CDH13: variants seen among roughly 807,000 people sequenced by gnomAD.
The protein encoded by CDH13 is cadherin-13.
Under a neutral mutation model 63.8 loss-of-function variants are expected in CDH13, and 24 were observed. That is an observed-to-expected ratio of 0.38 (90% CI 0.27 to 0.53). The LOEUF (loss-of-function observed/expected upper bound fraction) is 0.53, where lower values mean the gene tolerates loss of function less well. Ranked by LOEUF, CDH13 falls within the 20% of genes least tolerant of loss-of-function variation. CDH13 has a pLI of 0.85. For missense variants in CDH13, 1,049 were observed against 903.1 expected, an observed-to-expected ratio of 1.16 and a Z score of -2.07; for synonymous variants, 503 against 355.3, an observed-to-expected ratio of 1.42 and a Z score of -4.67.
chr16:82,685,528 G>C (rs186409656), intron 1 of CDH13, among the ~76,000 whole-genome samples: 4 of 152,344 alleles, frequency 2.6e-5, no homozygotes, highest in Admixed American at 6.5e-5. Flanking sequence ...ATGAGATCAG[G>C]TGTAGGTGAT....
chr16:83,460,982 AACACACACACACGCACAC>A (rs2073162881), intron 6 of CDH13, among the ~76,000 whole-genome samples: 1 of 134,254 alleles, frequency 7.4e-6, no homozygotes, highest in Non-Finnish European at 1.6e-5. Flanking sequence ...CTTGTCTCAA[AACACACACACACGCACAC>A]ACACACACAC....
chr16:82,680,106 C>G (rs898082584), intron 1 of CDH13, among the ~76,000 whole-genome samples: 1 of 152,118 alleles, frequency 6.6e-6, no homozygotes, highest in Non-Finnish European at 1.5e-5. Context: ...TGCCAGTCTT[C>G]CAGCGTAGGT....
chr16:83,057,616 G>A (rs2151516122), intron 3 of CDH13, among the ~76,000 whole-genome samples: 1 of 150,688 alleles, frequency 6.6e-6, no homozygotes, highest in Admixed American at 6.6e-5. Flanking sequence ...TCACCACTGA[G>A]GCTGTAAGGC....
chr16:83,130,931 C>G (rs8063107), intron 4 of CDH13, among the ~76,000 whole-genome samples: 4 of 151,918 alleles, frequency 2.6e-5, no homozygotes, highest in Non-Finnish European at 5.9e-5. Context: ...TTTTTCACAA[C>G]TGGATATCCT....
intron 6 of CDH13, among the ~76,000 whole-genome samples, chr16:83,355,334 T>C (rs951551039): frequency 6.6e-6 from 1 of 152,232 alleles, no homozygotes; most frequent in African/African-American, 2.4e-5. Flanking sequence ...ACAATAATAC[T>C]GTAAGCCTTA....
rs568538682 is a variant in CDH13, at chr16:83,060,755, G to T, written c.366+28537G>T. Among the ~76,000 whole-genome samples the T allele has an allele frequency of 8.6e-4, 131 of 152,258 alleles. 1 individual carries two copies. Among genetic ancestry groups the T allele is most frequent in the African/African-American group, 2.8e-3 (116 of 41,546 alleles). ...ACAGGTTTACATTTTTTAAAAGCAG[G>T]TAATAACTGTCTTATTCTGTACCTA... On this transcript the variant is annotated intron_variant, in intron 3 of 13. Transcript: ENST00000567109.
chr16:83,142,537 C>T (rs2151678472), intron 4 of CDH13, among the ~76,000 whole-genome samples: 1 of 152,274 alleles, frequency 6.6e-6, no homozygotes, highest in Admixed American at 6.5e-5. Flanking sequence ...GGGAAGCTTT[C>T]CTCAATTCCC....
chr16:82,752,721 C>A (rs1243101727), intron 1 of CDH13, among the ~76,000 whole-genome samples: 1 of 152,178 alleles, frequency 6.6e-6, no homozygotes, highest in African/African-American at 2.4e-5. Flanking sequence ...ACCACTGGGT[C>A]CCAGACAGAT....
chr16:82,921,472 T>C (rs1045264472), intron 2 of CDH13, among the ~76,000 whole-genome samples: 2 of 152,288 alleles, frequency 1.3e-5, no homozygotes, highest in Admixed American at 1.3e-4. Context: ...GTGCTGGCAT[T>C]TAGGGACCAC....
At chr16:83,735,797 G>T (rs900559804) in intron 10 of CDH13, 16 of 152,202 alleles carry the variant, frequency 1.1e-4, no homozygotes, top group African/African-American at 3.6e-4. Context: ...GAGTAAGCAG[G>T]ATATTTGGCT....
chr16:83,187,026 A>T (rs1387251570), intron 4 of CDH13, among the ~76,000 whole-genome samples: 1 of 152,060 alleles, frequency 6.6e-6, no homozygotes, highest in African/African-American at 2.4e-5. Context: ...GCTGGAGTGC[A>T]GTGGTGTGAT....
chr16:83,771,408 G>A (rs572765241), intron 11 of CDH13, among the ~76,000 whole-genome samples: 11 of 152,302 alleles, frequency 7.2e-5, no homozygotes, highest in African/African-American at 1.9e-4. Flanking sequence ...TGGTCCTATC[G>A]TGGTCATATA....
chr16:83,451,020 G>C (rs2072873370), intron 6 of CDH13, among the ~76,000 whole-genome samples: 1 of 152,216 alleles, frequency 6.6e-6, no homozygotes, highest in African/African-American at 2.4e-5. Context: ...TCTGGGTAGA[G>C]TCTGAGAATC....
intron 5 of CDH13, among the ~76,000 whole-genome samples, chr16:83,275,068 A>C (rs572614441): frequency 5.3e-5 from 8 of 152,224 alleles, no homozygotes; most frequent in Admixed American, 3.9e-4. Flanking sequence ...ATTATACATG[A>C]GGGCAGGGAT....
At chr16:83,384,565 A>G (rs901018593) in intron 6 of CDH13, among the ~76,000 whole-genome samples, 1 of 152,262 alleles carries the variant, frequency 6.6e-6, no homozygotes, top group African/African-American at 2.4e-5. Flanking sequence ...CTGTGGGAAC[A>G]CGAGCAGAAG....
chr16:83,790,728 T>A (rs1341056484), intron 13 of CDH13, among the ~76,000 whole-genome samples: 1 of 152,162 alleles, frequency 6.6e-6, no homozygotes, highest in East Asian at 1.9e-4. Context: ...AAAGTGCATG[T>A]CAGTGGCATG....
At chr16:83,249,900 G>A (rs1387088600) in intron 5 of CDH13, among the ~76,000 whole-genome samples, 2 of 152,208 alleles carry the variant, frequency 1.3e-5, no homozygotes, top group African/African-American at 4.8e-5. Flanking sequence ...TGGTCCTCAT[G>A]TGTTAATTGA....
intron 13 of CDH13, among the ~76,000 whole-genome samples, chr16:83,787,100 A>C (rs190484411): frequency 6.6e-6 from 1 of 152,252 alleles, no homozygotes; most frequent in African/African-American, 2.4e-5. Context: ...TGACACATAC[A>C]GTTCTATTTT....
At chr16:83,413,869 G>A (rs1435577776) in intron 6 of CDH13, among the ~76,000 whole-genome samples, 1 of 152,096 alleles carries the variant, frequency 6.6e-6, no homozygotes, top group East Asian at 1.9e-4. Flanking sequence ...GCACACACCT[G>A]TAATCTCAGC....
Sources: gnomAD v4.1 joint callset for allele counts (sites outside exome capture counted in the v4.1 genomes callset) on GRCh38, gnomAD v4.1.1 for gene constraint, MANE v1.5 for transcripts, NCBI Gene and HGNC (gene_info 2026-07-23, HGNC 2026-07-21) for gene names.